Variants in TRIM9 observed in about 807,000 individuals in gnomAD.
TRIM9 encodes E3 ubiquitin-protein ligase TRIM9.
A neutral mutation model predicts 78.3 loss-of-function variants in TRIM9; 26 were observed. That is an observed-to-expected ratio of 0.33 (90% CI 0.24 to 0.46). The LOEUF (loss-of-function observed/expected upper bound fraction) is 0.46. TRIM9 is among the 20% of genes least tolerant of loss of function. The probability of loss-of-function intolerance (pLI) is 1.00; values close to 1 mark genes in which losing one functional copy is unlikely to be tolerated. For synonymous variants in TRIM9, 398 were observed against 416.5 expected (o/e 0.96, Z 0.54); for missense variants, 787 against 1,036.4 (o/e 0.76, Z 3.30).
At chr14:50,995,558 C>T (rs1330017700) in intron 7 of TRIM9, among the ~76,000 whole-genome samples, 1 of 152,164 alleles carries the variant, frequency 6.6e-6, no homozygotes, top group African/African-American at 2.4e-5. Flanking sequence ...TGTGAAAGCT[C>T]ACAGAGTACA....
intron 1 of TRIM9, among the ~76,000 whole-genome samples, chr14:51,090,308 G>C (rs1395686246): frequency 6.6e-5 from 10 of 152,144 alleles, no homozygotes; most frequent in Admixed American, 6.5e-4. Context: ...TATCATTTTA[G>C]TGGCATTATA....
intron 1 of TRIM9, among the ~76,000 whole-genome samples, chr14:51,069,853 A>T (rs2062061446): frequency 1.3e-5 from 2 of 152,214 alleles, no homozygotes; most frequent in African/African-American, 4.8e-5. Flanking sequence ...CAAGGTGGAA[A>T]AATACAGTCA....
chr14:50,991,392 G>A (rs1262931941), intron 7 of TRIM9, among the ~76,000 whole-genome samples: 1 of 152,088 alleles, frequency 6.6e-6, no homozygotes, highest in Admixed American at 6.5e-5. Context: ...CTATCATTAT[G>A]CCTCTCACCT....
chr14:51,061,150 C>T (rs1428337353), intron 1 of TRIM9, among the ~76,000 whole-genome samples: 5 of 152,210 alleles, frequency 3.3e-5, no homozygotes, highest in African/African-American at 9.6e-5. Flanking sequence ...TGGTGGCTCA[C>T]GCCTGTAATC....
intron 4 of TRIM9, 73 bp from the exon 5 acceptor site, chr14:51,009,306 C>G (rs940608047): frequency 1.3e-6 from 2 of 1,571,336 alleles, no homozygotes; most frequent in African/African-American, 2.7e-5. Context: ...CCCCTTGGCT[C>G]TCCAGGAGCA....
intron 1 of TRIM9, among the ~76,000 whole-genome samples, chr14:51,031,914 AT>A (rs1308148915): frequency 2.3e-5 from 3 of 128,364 alleles, no homozygotes; most frequent in Non-Finnish European, 5.5e-5. Flanking sequence ...AAATCTCACC[AT>A]TTGTATTGTG....
intron 1 of TRIM9, among the ~76,000 whole-genome samples, chr14:51,073,636 G>A (rs1473428588): frequency 2.0e-5 from 3 of 152,234 alleles, no homozygotes; most frequent in Admixed American, 1.3e-4. Flanking sequence ...AGAGTGTGGT[G>A]TGGGCGCTCT....
intron 1 of TRIM9, among the ~76,000 whole-genome samples, chr14:51,050,414 A>G (rs1414936787): frequency 1.3e-5 from 2 of 152,192 alleles, no homozygotes; most frequent in African/African-American, 2.4e-5. Context: ...CCACCATGTA[A>G]GACATGCCTT....
chr14:51,053,168 A>C (rs904337273), intron 1 of TRIM9, among the ~76,000 whole-genome samples: 2 of 151,986 alleles, frequency 1.3e-5, no homozygotes, highest in African/African-American at 2.4e-5. Context: ...TCAAAAAAAA[A>C]AAAAAGAGAA....
intron 7 of TRIM9, 84 bp from the exon 8 acceptor site, chr14:50,986,228 A>G: frequency 8.6e-7 from 1 of 1,156,198 alleles, no homozygotes; most frequent in Non-Finnish European, 1.1e-6. Flanking sequence ...TGCCTTAACA[A>G]TGCATTCATA....
At chr14:51,035,264 T>C (rs930211354) in intron 1 of TRIM9, among the ~76,000 whole-genome samples, 3 of 152,210 alleles carry the variant, frequency 2.0e-5, no homozygotes, top group African/African-American at 7.2e-5. Flanking sequence ...GAAATGAGAA[T>C]GTTCTGCTTT....
intron 1 of TRIM9, 49 bp from the exon 2 acceptor site, chr14:51,025,409 C>T: frequency 3.1e-6 from 2 of 647,282 alleles, no homozygotes; most frequent in Admixed American, 3.0e-5. Flanking sequence ...CAGGATACAC[C>T]AACAAGGCCA....
Position 51,009,117 on chromosome 14 carries a change from C to T in TRIM9, c.1269G>A (p.Leu423=). 2 of 1,614,052 alleles carry T rather than the reference C, an allele frequency of 1.2e-6. No individual in the cohort carries two copies. Among genetic ancestry groups the T allele is most frequent in the Admixed American group, 3.3e-5 (2 of 60,028 alleles). The change falls in exon 5 of 13, where the codon CTG becomes CTA. Residue 423 remains leucine (L), a synonymous_variant. Transcript: ENST00000684578. ...CGAAATCCAGCTGGTGGATGGATTG[C>T]AGCAGAGGGCTGTTGTCCAGACTCA... ...FDLSLDNSPL[L]QSIHQLDFVQ...
intron 2 of TRIM9, 131 bp downstream of exon 2, chr14:51,025,134 A>C: frequency 1.2e-6 from 1 of 819,034 alleles, no homozygotes; most frequent in Non-Finnish European, 2.0e-6. Context: ...TTTGTATGTA[A>C]AGAACAACAA....
Position 51,094,484 on chromosome 14 carries a change from T to A in TRIM9, c.456A>T (p.Glu152Asp). The change falls in exon 1 of 13, where the codon GAA becomes GAT. Residue 152 changes from glutamate (E) to aspartate (D), a missense_variant. Transcript: ENST00000684578. ...TCTGCTGGTAGCGGTCAATTACCCC[T>A]TCCAGTACGCGATTCTTGGGGAAGC... ...LRGFPKNRVLEGVIDRYQQSK... is the reference protein window; with the variant it reads ...LRGFPKNRVLDGVIDRYQQSK... The A allele has an allele frequency of 6.2e-7, 1 of 1,613,774 alleles. No homozygotes were observed. The highest frequency in any genetic ancestry group is 8.5e-7 in the Non-Finnish European group (1 of 1,179,970).
chr14:51,035,223 C>T (rs1163238281), intron 1 of TRIM9, among the ~76,000 whole-genome samples: 2 of 151,976 alleles, frequency 1.3e-5, no homozygotes, highest in Non-Finnish European at 2.9e-5. Flanking sequence ...TTTTCTTCTT[C>T]TTAAAGTTCT....
At chr14:51,010,130 G>GA (rs58186713) in intron 4 of TRIM9, among the ~76,000 whole-genome samples, 118,950 of 147,414 alleles carry the variant, frequency 0.81, 48,006 homozygotes, top group South Asian at 0.85. Context: ...AAAAAGAAGC[G>GA]AAAAAAAAAA....
intron 10 of TRIM9, chr14:50,982,621 G>C (rs369779237): frequency 5.2e-6 from 2 of 387,554 alleles, no homozygotes; most frequent in East Asian, 4.1e-5. Context: ...AAGCTGCGAA[G>C]CTATAAGCAA....
chr14:50,996,804 C>T lies in TRIM9; in HGVS notation c.1603+1246G>A, dbSNP rs940779804. On this transcript the variant is annotated intron_variant, in intron 7 of 12. Transcript: ENST00000684578. ...CACATCACTGTACTCCAAATGGGAA[C>T]AGGTCATGTGGGCATTTTCCCTCAG... 3.0e-6 allele frequency: 3 copies of T among 985,306 alleles called. No individual in the cohort carries two copies. In the African/African-American group the frequency reaches 5.2e-5, roughly 17 times the overall value. The allele number at this position is 985,306 out of a possible 1,614,324, so 61.0% of individuals were successfully genotyped here. A position where few individuals can be genotyped will look rare whatever the true frequency, so the allele number is the denominator to read the frequency against.
Sources: allele counts gnomAD v4.1 joint callset (sites outside exome capture counted in the v4.1 genomes callset), GRCh38; gene constraint gnomAD v4.1.1; transcripts MANE v1.5; gene names NCBI Gene and HGNC (gene_info 2026-07-23, HGNC 2026-07-21).